The following ZNRF3 variants were observed in gnomAD, a reference collection of about 807,000 sequenced individuals.
ZNRF3 encodes zinc and ring finger 3.
In ZNRF3, 23 loss-of-function variants were observed where a neutral mutation model predicts 72.5. The ratio of observed to expected loss-of-function variants is 0.32; its 90% CI spans 0.23 to 0.45. The LOEUF (loss-of-function observed/expected upper bound fraction) is 0.45, where lower values mean the gene tolerates loss of function less well. Among genes scored for constraint, ZNRF3 ranks in the 20% least tolerant of loss-of-function variants. The probability of loss-of-function intolerance (pLI) is 1.00; values close to 1 mark genes in which losing one functional copy is unlikely to be tolerated. For missense variants in ZNRF3, 1,169 were observed against 1,272.1 expected (o/e 0.92, Z 1.23); for synonymous variants, 610 against 545.3 (o/e 1.12, Z -1.65).
chr22:28,977,427 G>A lies in ZNRF3; in HGVS notation c.301-9649G>A, dbSNP rs2035695183. On this transcript the variant is annotated intron_variant, in intron 1 of 8. Transcript: ENST00000544604. ...GTCCGTTTCTTTGTACATAGAAGAG[G>A]GAAAAAAAATCCTTATGATTCAAGA... 2.0e-5 allele frequency among the ~76,000 whole-genome samples: 3 copies of A among 152,002 alleles called. No individual in the cohort carries two copies. The South Asian group carries it at 6.2e-4, about 32-fold the overall frequency.
intron 1 of ZNRF3, among the ~76,000 whole-genome samples, chr22:28,963,463 G>C (rs78078032): frequency 5.9e-5 from 9 of 152,254 alleles, no homozygotes; most frequent in Middle Eastern, 3.4e-3. Context: ...TCGCAGGAGA[G>C]GGGGGTAGGG....
intron 1 of ZNRF3, among the ~76,000 whole-genome samples, chr22:28,914,987 AC>A (rs538511200): frequency 1.3e-3 from 192 of 152,106 alleles, no homozygotes; most frequent in African/African-American, 4.3e-3. Flanking sequence ...CCCCTGTCAT[AC>A]CCCCAAACCC....
At chr22:28,939,116 CTT>C (rs2034893927) in intron 1 of ZNRF3, among the ~76,000 whole-genome samples, 1 of 152,084 alleles carries the variant, frequency 6.6e-6, no homozygotes. Context: ...AAAACTCCGT[CTT>C]TACTAATAAT....
intron 1 of ZNRF3, among the ~76,000 whole-genome samples, chr22:28,891,039 G>C: frequency 6.6e-6 from 1 of 152,220 alleles, no homozygotes; most frequent in Non-Finnish European, 1.5e-5. Context: ...TTACAGGTGA[G>C]AGCCACCATA....
chr22:28,984,451 A>G (rs8141624), intron 1 of ZNRF3, among the ~76,000 whole-genome samples: 2,013 of 152,276 alleles, frequency 0.013, 51 homozygotes, highest in African/African-American at 0.043. Flanking sequence ...TTTGATATAG[A>G]TGCAAAGTCT....
At chr22:29,001,660 G>A (rs1245106850) in intron 2 of ZNRF3, among the ~76,000 whole-genome samples, 1 of 151,768 alleles carries the variant, frequency 6.6e-6, no homozygotes, top group Non-Finnish European at 1.5e-5. Flanking sequence ...TTCAGTAGAG[G>A]CGGGGTTTCG....
At chr22:28,921,661 A>G (rs557806536) in intron 1 of ZNRF3, among the ~76,000 whole-genome samples, 4 of 152,258 alleles carry the variant, frequency 2.6e-5, no homozygotes, top group East Asian at 3.9e-4. Context: ...CTCCCTAACT[A>G]GATTGTAAGT....
chr22:28,937,203 ATATATATATATATT>A (rs1366149320), intron 1 of ZNRF3, among the ~76,000 whole-genome samples: 6 of 9,564 alleles, frequency 6.3e-4, no homozygotes, highest in African/African-American at 1.8e-3. Context: ...ATATATATAT[ATATATATATATATT>A]TTTTTTTTTT....
At chr22:28,999,402 A>T (rs2036105250) in intron 2 of ZNRF3, among the ~76,000 whole-genome samples, 1 of 152,076 alleles carries the variant, frequency 6.6e-6, no homozygotes, top group Non-Finnish European at 1.5e-5. Context: ...AGGTGGGAGG[A>T]TCACTTGAGG....
intron 2 of ZNRF3, among the ~76,000 whole-genome samples, chr22:29,034,374 T>C (rs1306968381): frequency 6.6e-6 from 1 of 152,214 alleles, no homozygotes; most frequent in Non-Finnish European, 1.5e-5. Flanking sequence ...TTCTGTCATA[T>C]CCTTCAGCCT....
intron 2 of ZNRF3, among the ~76,000 whole-genome samples, chr22:29,034,636 G>A (rs539255043): frequency 3.3e-5 from 5 of 152,320 alleles, no homozygotes; most frequent in African/African-American, 7.2e-5. Flanking sequence ...AAAGGACACC[G>A]ACCAGGAAAA....
rs2035049904 is a variant in ZNRF3 at position 28,946,211 on chromosome 22, AC to A, written c.301-40859del. ...AAACTTTTGTTTTAATTGACTCTTC[AC>A]CCCCCGAAAATTATTTTGAGAATAT... On this transcript the variant is annotated intron_variant, in intron 1 of 8. Coordinates refer to ENST00000544604, the MANE Select transcript of ZNRF3 (RefSeq NM_001206998.2). Among the ~76,000 whole-genome samples, 7 of 152,202 alleles carry A rather than the reference AC, an allele frequency of 4.6e-5. No homozygotes were observed. The South Asian group carries it at 1.5e-3, about 32-fold the overall frequency.
At chr22:28,976,479 C>A (rs1236114202) in intron 1 of ZNRF3, among the ~76,000 whole-genome samples, 1 of 152,152 alleles carries the variant, frequency 6.6e-6, no homozygotes, top group Non-Finnish European at 1.5e-5. Flanking sequence ...ACACGCCAGC[C>A]TGGGTGACAA....
intron 1 of ZNRF3, among the ~76,000 whole-genome samples, chr22:28,925,495 A>G (rs1030005304): frequency 3.3e-5 from 5 of 152,178 alleles, no homozygotes; most frequent in Non-Finnish European, 5.9e-5. Context: ...GGAAGGCAAG[A>G]CTGGAAGGGT....
intron 1 of ZNRF3, among the ~76,000 whole-genome samples, chr22:28,981,737 C>G (rs749298826): frequency 2.8e-4 from 43 of 152,160 alleles, no homozygotes; most frequent in Non-Finnish European, 5.7e-4. Context: ...TGGCTCATGC[C>G]TGTAATCCCA....
chr22:28,911,497 G>A (rs1174514462), intron 1 of ZNRF3, among the ~76,000 whole-genome samples: 1 of 152,200 alleles, frequency 6.6e-6, no homozygotes, highest in Non-Finnish European at 1.5e-5. Context: ...TGGAATGTAA[G>A]GGAGTAAGTG....
chr22:28,917,387 G>A (rs752114749), intron 1 of ZNRF3: 1 of 985,322 alleles, frequency 1.0e-6, no homozygotes, highest in Non-Finnish European at 1.2e-6. Context: ...TCAGCCATCT[G>A]TGCACAGAAG....
chr22:28,961,390 CAT>C (rs2035356158), intron 1 of ZNRF3, among the ~76,000 whole-genome samples: 2 of 152,300 alleles, frequency 1.3e-5, no homozygotes, highest in South Asian at 2.1e-4. Flanking sequence ...CAAGAACACA[CAT>C]GTGATAGTTG....
At chr22:28,896,843 G>T (rs1227202184) in intron 1 of ZNRF3, among the ~76,000 whole-genome samples, 1 of 152,194 alleles carries the variant, frequency 6.6e-6, no homozygotes, top group Non-Finnish European at 1.5e-5. Context: ...GACAATGCTT[G>T]GCTTGCTCTG....
Sources: gnomAD v4.1 joint callset for allele counts (sites outside exome capture counted in the v4.1 genomes callset) on GRCh38, gnomAD v4.1.1 for gene constraint, MANE v1.5 for transcripts, NCBI Gene and HGNC (gene_info 2026-07-23, HGNC 2026-07-21) for gene names.